Variants in EGFLAM observed in about 807,000 individuals in gnomAD.
The protein encoded by EGFLAM is EGF like, fibronectin type III and laminin G domains.
EGFLAM carries 79 observed loss-of-function variants against 113.1 expected under a neutral mutation model. The observed-to-expected ratio is 0.70, with a 90% CI of 0.58 to 0.84. EGFLAM has a LOEUF of 0.84. EGFLAM is among the 40% of genes least tolerant of loss of function. EGFLAM has a pLI of 0.00. For missense variants in EGFLAM, 1,265 were observed against 1,291.6 expected, an observed-to-expected ratio of 0.98 and a Z score of 0.32; for synonymous variants, 504 against 487.6, an observed-to-expected ratio of 1.03 and a Z score of -0.44.
At chr5:38,322,244 A>G (rs1250966487) in intron 1 of EGFLAM, among the ~76,000 whole-genome samples, 1 of 152,174 alleles carries the variant, frequency 6.6e-6, no homozygotes, top group East Asian at 1.9e-4. Context: ...AGCACAGTTC[A>G]CCCTCAGAAG....
intron 8 of EGFLAM, 71 bp from the exon 9 acceptor site, chr5:38,407,731 CGTT>C: frequency 3.6e-6 from 4 of 1,096,892 alleles, no homozygotes; most frequent in Non-Finnish European, 5.5e-6. Flanking sequence ...ATTCAGGCAA[CGTT>C]GTATATTGAT....
chr5:38,463,930 T>C lies in EGFLAM; in HGVS notation c.2974T>C (p.Ser992Pro), dbSNP rs772750480. The change falls in exon 22 of 22, where the codon TCC (serine) becomes CCC (proline). Residue 992 changes from serine to proline, a missense_variant. Transcript: ENST00000322350. ...CACCCTGTCCACCGATTACCACATT[T>C]CCCTCGTGGAAGATGCCGTGGATGG... ...HFTLSTDYHI[S>P]LVEDAVDGKN... is the part of the protein sequence containing the mutation. The C allele has an allele frequency of 3.7e-6, 6 of 1,614,190 alleles. No homozygotes were observed. The Admixed American group carries it at 8.3e-5, about 22-fold the overall frequency.
chr5:38,334,264 G>A (rs1423849131), intron 1 of EGFLAM, among the ~76,000 whole-genome samples: 1 of 152,080 alleles, frequency 6.6e-6, no homozygotes, highest in African/African-American at 2.4e-5. Context: ...AGTTTGTTTG[G>A]CTGCTATATC....
chr5:38,461,122 T>C (rs1217803816), intron 20 of EGFLAM: 4 of 152,236 alleles, frequency 2.6e-5, no homozygotes, highest in African/African-American at 7.2e-5. Flanking sequence ...TGCCCTGTGC[T>C]TTGTACGCAT....
At chr5:38,327,423 A>G (rs1358305225) in intron 1 of EGFLAM, among the ~76,000 whole-genome samples, 1 of 152,228 alleles carries the variant, frequency 6.6e-6, no homozygotes, top group Non-Finnish European at 1.5e-5. Flanking sequence ...ATAGAAGAAT[A>G]TGGGAGAAAA....
chr5:38,438,490 G>C (rs763665806), intron 17 of EGFLAM, 35 bp downstream of exon 17: 2 of 1,518,406 alleles, frequency 1.3e-6, no homozygotes, highest in Admixed American at 4.2e-5. Context: ...GCTCCCTGGA[G>C]GGAGTGGAAG....
In EGFLAM at chr5:38,407,145, A is replaced by G; in HGVS notation, c.1146A>G (p.Glu382=). ...TLGKGGESCS[E]DIVIQYPQFF... ...GCAAAGGTGGTGAGAGCTGCTCAGA[A>G]GGTAGGCCCTTGGGGGAGAGGAAGA... Residue 382 remains glutamate (E), a splice_region_variant and synonymous_variant, in exon 8 of 22, where the codon GAA becomes GAG. Coordinates refer to ENST00000322350, the MANE Select transcript of EGFLAM (RefSeq NM_152403.4). 2 of 1,602,902 alleles carry G rather than the reference A, an allele frequency of 1.2e-6. No individual in the cohort carries two copies. The highest frequency in any genetic ancestry group is 1.7e-6 in the Non-Finnish European group (2 of 1,178,596).
rs201869960 is a variant in EGFLAM at position 38,352,319 on chromosome 5, T to C, written c.533T>C (p.Val178Ala). 18 of 1,613,962 alleles carry C rather than the reference T, an allele frequency of 1.1e-5. No homozygotes were observed. The East Asian group carries it at 1.8e-4, about 16-fold the overall frequency. Reference protein sequence around the residue: ...EGSAPIQYYSVEFIRPDFDKK... With the variant: ...EGSAPIQYYSAEFIRPDFDKK... ...AGCGCCCCTATTCAGTACTATTCTG[T>C]GGAATTCATCAGGTAAGTCTGTATG... The change falls in exon 5 of 22, where the codon GTG (valine) becomes GCG (alanine). Residue 178 changes from valine (V) to alanine (A), a missense_variant. By Grantham distance (64) the Val-to-Ala change is moderately conservative (BLOSUM62 0). Coordinates refer to ENST00000322350, the MANE Select transcript of EGFLAM (RefSeq NM_152403.4).
intron 1 of EGFLAM, among the ~76,000 whole-genome samples, chr5:38,321,096 T>C (rs539415316): frequency 8.5e-5 from 13 of 152,166 alleles, no homozygotes; most frequent in Non-Finnish European, 1.6e-4. Context: ...AGTAATTATT[T>C]CTTATACAAC....
At chr5:38,446,518 G>A (rs1425353597) in intron 17 of EGFLAM, among the ~76,000 whole-genome samples, 3 of 150,976 alleles carry the variant, frequency 2.0e-5, no homozygotes, top group Non-Finnish European at 2.9e-5. Context: ...TCCCTTCCTC[G>A]TCTCCTCTTC....
intron 6 of EGFLAM, among the ~76,000 whole-genome samples, chr5:38,376,449 A>C (rs969453181): frequency 6.6e-6 from 1 of 152,216 alleles, no homozygotes; most frequent in Non-Finnish European, 1.5e-5. Flanking sequence ...TCATGATATG[A>C]GCAGAGAAAG....
At chr5:38,301,982 G>A (rs918204489) in intron 1 of EGFLAM, among the ~76,000 whole-genome samples, 6 of 152,114 alleles carry the variant, frequency 3.9e-5, no homozygotes, top group African/African-American at 7.2e-5. Flanking sequence ...GCTCACACCT[G>A]TAATCCCAGC....
chr5:38,396,909 G>C, intron 6 of EGFLAM, among the ~76,000 whole-genome samples: 1 of 152,142 alleles, frequency 6.6e-6, no homozygotes, highest in Middle Eastern at 3.4e-3. Flanking sequence ...GACTTTCCAC[G>C]GCCCCGTTAT....
At chr5:38,405,993 T>A (rs1741271631) in intron 6 of EGFLAM, 133 bp from the exon 7 acceptor site, 2 of 741,624 alleles carry the variant, frequency 2.7e-6, no homozygotes, top group Admixed American at 2.1e-5. Flanking sequence ...TCCTTTTCTG[T>A]GTTGAATTCA....
At chr5:38,381,433 A>G (rs895811697) in intron 6 of EGFLAM, among the ~76,000 whole-genome samples, 6 of 152,216 alleles carry the variant, frequency 3.9e-5, no homozygotes, top group Non-Finnish European at 2.9e-5. Context: ...ACCGAATACG[A>G]AACACTTATG....
intron 1 of EGFLAM, 64 bp from the exon 2 acceptor site, chr5:38,337,456 G>T: frequency 7.1e-7 from 1 of 1,412,426 alleles, no homozygotes; most frequent in Non-Finnish European, 9.7e-7. Context: ...CTTAAATCTT[G>T]TGTAAGTATA....
intron 6 of EGFLAM, among the ~76,000 whole-genome samples, chr5:38,379,669 G>A (rs1206831428): frequency 2.0e-5 from 3 of 152,036 alleles, no homozygotes; most frequent in Non-Finnish European, 4.4e-5. Flanking sequence ...AGCGGCTTGT[G>A]TTGGGGGGAC....
At chr5:38,306,336 C>T (rs1219238041) in intron 1 of EGFLAM, among the ~76,000 whole-genome samples, 1 of 152,106 alleles carries the variant, frequency 6.6e-6, no homozygotes, top group Non-Finnish European at 1.5e-5. Context: ...GGTAGTATCT[C>T]TTCTAAGACA....
intron 5 of EGFLAM, among the ~76,000 whole-genome samples, chr5:38,364,830 T>C (rs1385429680): frequency 6.6e-6 from 1 of 152,164 alleles, no homozygotes; most frequent in Admixed American, 6.5e-5. Flanking sequence ...ATTCTGTTTA[T>C]GAGATGATGT....
Sources: gnomAD v4.1 joint callset for allele counts (sites outside exome capture counted in the v4.1 genomes callset) on GRCh38, gnomAD v4.1.1 for gene constraint, MANE v1.5 for transcripts, NCBI Gene and HGNC (gene_info 2026-07-23, HGNC 2026-07-21) for gene names.